RARB: variants seen among roughly 807,000 people sequenced by gnomAD.
RARB encodes the protein HBV-activated protein.
A neutral mutation model predicts 51.9 loss-of-function variants in RARB; 17 were observed. The observed-to-expected ratio is 0.33, with a 90% CI of 0.22 to 0.49. The LOEUF (loss-of-function observed/expected upper bound fraction) is 0.49. Ranked by LOEUF, RARB falls within the 20% of genes least tolerant of loss-of-function variation. RARB has a pLI of 0.99. For synonymous variants in RARB, 215 were observed against 195.4 expected (o/e 1.10, Z -0.84); for missense variants, 369 against 550.8 (o/e 0.67, Z 3.30).
chr3:25,479,436 T>C (rs1341749484), intron 2 of RARB, among the ~76,000 whole-genome samples: 1 of 152,230 alleles, frequency 6.6e-6, no homozygotes, highest in Non-Finnish European at 1.5e-5. Context: ...TTTTTACATT[T>C]CAAATTAGAT....
chr3:25,454,846 T>G (rs1243116677), intron 1 of RARB, among the ~76,000 whole-genome samples: 2 of 152,236 alleles, frequency 1.3e-5, no homozygotes, highest in African/African-American at 2.4e-5. Context: ...AACAAGGACA[T>G]TTATACTGTG....
In RARB at chr3:25,265,877, G is replaced by A. The variant is rs138891982; in HGVS notation, c.178+91302G>A. Among the ~76,000 whole-genome samples, 253 of 152,226 alleles carry A rather than the reference G, an allele frequency of 1.7e-3. 1 individual carries two copies. The highest frequency in any genetic ancestry group is 5.9e-3 in the African/African-American group (247 of 41,550). On this transcript the variant is annotated intron_variant, in intron 5 of 11. Coordinates refer to the RARB transcript ENST00000383772. ...CTGGGTTCCCTTTGAAAGCTCTAGG[G>A]GAGAATTCATTCCCTTGCTTTGCTT... is the stretch of plus-strand genomic sequence containing the variant.
intron 2 of RARB, among the ~76,000 whole-genome samples, chr3:24,889,305 A>T (rs1053453002): frequency 1.3e-5 from 2 of 152,130 alleles, no homozygotes; most frequent in Admixed American, 6.5e-5. Flanking sequence ...TTAATAAGAG[A>T]GTTAACCTTA....
At chr3:25,333,807 C>T (rs1432235976) in intron 5 of RARB, among the ~76,000 whole-genome samples, 1 of 152,158 alleles carries the variant, frequency 6.6e-6, no homozygotes, top group Non-Finnish European at 1.5e-5. Context: ...CCAGAATCTA[C>T]AAAGAACTTA....
intron 1 of RARB, among the ~76,000 whole-genome samples, chr3:25,449,637 CT>C (rs1378878561): frequency 2.0e-5 from 3 of 152,092 alleles, no homozygotes; most frequent in Non-Finnish European, 2.9e-5. Context: ...CAAATCCATG[CT>C]TTTTATTTAG....
In RARB at chr3:25,128,362, A is replaced by G. The variant is rs118053245; in HGVS notation, c.-327-3799A>G. ...TTAAAATCATGTATATAAAGTACCT[A>G]GACTTACATGAAATTATATATTTCT... On this transcript the variant is annotated intron_variant, in intron 3 of 11. Transcript: ENST00000383772. Among the ~76,000 whole-genome samples, 518 of 151,210 alleles carry G rather than the reference A, an allele frequency of 3.4e-3. 6 individuals are homozygous for G. The East Asian group carries it at 0.044, about 13-fold the overall frequency.
chr3:25,486,170 C>G (rs1009675067), intron 2 of RARB, among the ~76,000 whole-genome samples: 1 of 152,116 alleles, frequency 6.6e-6, no homozygotes, highest in Non-Finnish European at 1.5e-5. Context: ...CTCGTTGGAT[C>G]TTACCAAACC....
At chr3:25,472,676 A>G (rs143703995) in intron 2 of RARB, among the ~76,000 whole-genome samples, 35 of 152,282 alleles carry the variant, frequency 2.3e-4, no homozygotes, top group East Asian at 1.9e-4. Flanking sequence ...ACCTCCTTAA[A>G]TACATTTCTG....
intron 5 of RARB, among the ~76,000 whole-genome samples, chr3:25,348,976 C>T (rs1705478706): frequency 6.6e-6 from 1 of 152,200 alleles, no homozygotes; most frequent in Non-Finnish European, 1.5e-5. Context: ...AGGTTGCATT[C>T]TCCCCCAGAT....
intron 5 of RARB, among the ~76,000 whole-genome samples, chr3:25,233,699 A>T (rs1575240777): frequency 1.3e-5 from 2 of 151,646 alleles, no homozygotes; most frequent in East Asian, 3.9e-4. Context: ...TTGTTGTTGT[A>T]GGTGCCCTTT....
intron 2 of RARB, among the ~76,000 whole-genome samples, chr3:24,918,390 T>C (rs1362370209): frequency 2.0e-5 from 3 of 152,124 alleles, no homozygotes; most frequent in African/African-American, 7.2e-5. Flanking sequence ...TAGATATGAG[T>C]TGCCTGGGAG....
chr3:25,282,602 A>G (rs967815658), intron 5 of RARB, among the ~76,000 whole-genome samples: 3 of 152,216 alleles, frequency 2.0e-5, no homozygotes, highest in African/African-American at 7.2e-5. Context: ...AGTCCCTGGA[A>G]TATAGATGGT....
At chr3:25,325,887 A>G (rs1553604229) in intron 5 of RARB, among the ~76,000 whole-genome samples, 1 of 152,170 alleles carries the variant, frequency 6.6e-6, no homozygotes, top group South Asian at 2.1e-4. Context: ...GTTAAATGCC[A>G]GTTTTCTTAT....
At chr3:25,334,395 A>T (rs1483549124) in intron 5 of RARB, among the ~76,000 whole-genome samples, 1 of 152,190 alleles carries the variant, frequency 6.6e-6, no homozygotes, top group African/African-American at 2.4e-5. Context: ...TGGATGAAGT[A>T]GGAAACCATC....
At chr3:24,941,672 A>G (rs999917803) in intron 2 of RARB, among the ~76,000 whole-genome samples, 1 of 152,178 alleles carries the variant, frequency 6.6e-6, no homozygotes. Context: ...CCCAGATAAA[A>G]GGCAGTCTTT....
chr3:25,386,603 G>A (rs1706801280), intron 5 of RARB, among the ~76,000 whole-genome samples: 1 of 152,162 alleles, frequency 6.6e-6, no homozygotes, highest in Non-Finnish European at 1.5e-5. Flanking sequence ...TTCATATAGG[G>A]CTTCTTCAGA....
intron 5 of RARB, among the ~76,000 whole-genome samples, chr3:25,213,118 A>G (rs1304172350): frequency 6.6e-6 from 1 of 152,148 alleles, no homozygotes; most frequent in Non-Finnish European, 1.5e-5. Context: ...AAGATACTAT[A>G]TATATAGTAA....
chr3:25,064,323 T>C (rs1005269234), intron 3 of RARB, among the ~76,000 whole-genome samples: 3 of 152,292 alleles, frequency 2.0e-5, no homozygotes, highest in African/African-American at 4.8e-5. Context: ...CTCAATTTTA[T>C]GGGAGCTCTA....
At chr3:25,374,204 C>G (rs561955905) in intron 5 of RARB, among the ~76,000 whole-genome samples, 1 of 151,940 alleles carries the variant, frequency 6.6e-6, no homozygotes, top group Non-Finnish European at 1.5e-5. Context: ...CAGTAACACA[C>G]GCAAATACAT....
Sources: allele counts gnomAD v4.1 joint callset (sites outside exome capture counted in the v4.1 genomes callset), GRCh38; gene constraint gnomAD v4.1.1; transcripts MANE v1.5; gene names NCBI Gene and HGNC (gene_info 2026-07-23, HGNC 2026-07-21).